The following TSHZ3 variants were observed in gnomAD, a reference collection of about 807,000 sequenced individuals.
TSHZ3 encodes teashirt zinc finger homeobox 3, also known as teashirt homolog 3.
In TSHZ3, 10 loss-of-function variants were observed where a neutral mutation model predicts 64.5. That is an observed-to-expected ratio of 0.16 (90% CI 0.10 to 0.26). The LOEUF is 0.26. TSHZ3 is among the 10% of genes least tolerant of loss of function. TSHZ3 has a pLI of 1.00. For missense variants in TSHZ3, 1,242 were observed against 1,421.7 expected (o/e 0.87, Z 2.03); for synonymous variants, 608 against 593.1 (o/e 1.03, Z -0.36).
At chr19:31,301,140 G>A (rs538851261) in intron 1 of TSHZ3, among the ~76,000 whole-genome samples, 1 of 152,108 alleles carries the variant, frequency 6.6e-6, no homozygotes, top group East Asian at 1.9e-4. Context: ...GTGAGACAGG[G>A]AAGGCTGGGT....
chr19:31,314,552 C>G (rs1916552578), intron 1 of TSHZ3, among the ~76,000 whole-genome samples: 2 of 152,226 alleles, frequency 1.3e-5, no homozygotes, highest in Non-Finnish European at 2.9e-5. Flanking sequence ...CCTTGTGATA[C>G]TACATTCTTG....
intron 5 of TSHZ3, among the ~76,000 whole-genome samples, chr19:31,159,378 G>A (rs191454282): frequency 3.3e-5 from 5 of 152,316 alleles, no homozygotes; most frequent in Admixed American, 3.3e-4. Context: ...CAGCTGGCTA[G>A]CAAACTTAAT....
chr19:31,205,337 G>A (rs1364545460), intron 4 of TSHZ3, among the ~76,000 whole-genome samples: 3 of 152,170 alleles, frequency 2.0e-5, no homozygotes, highest in African/African-American at 4.8e-5. Context: ...CTAGTAAGTG[G>A]AGGCTTCCTT....
chr19:31,279,458 G>A lies in TSHZ3; in HGVS notation c.335C>T (p.Ser112Leu), dbSNP rs530146261. The change falls in exon 2 of 2, where the codon TCG becomes TTG. Residue 112 changes from serine to leucine, a missense_variant. Physicochemically the swap from Ser to Leu is moderately radical, Grantham distance 145. This residue lies in a region of TSHZ3 where 555 missense variants were observed against 704.0 expected (regional missense o/e 0.79). Coordinates refer to ENST00000240587, the MANE Select transcript of TSHZ3 (RefSeq NM_020856.4). The surrounding 1 kb of genome is among the most constrained non-coding windows in gnomAD (Gnocchi z 6.4). ...GGCCTTCATCTGCTCCAGGCTATCC[G>A]ACACAGTCGTGTCTTCCAGTGGGAC... ...VTVPLEDTTV[S>L]DSLEQMKAVY... is the part of the protein sequence containing the mutation. 3.8e-5 allele frequency: 61 copies of A among 1,614,202 alleles called. 1 individual carries two copies. The South Asian group carries it at 4.7e-4, about 12-fold the overall frequency.
chr19:31,286,834 C>T (rs917535452), intron 1 of TSHZ3, among the ~76,000 whole-genome samples: 3 of 152,136 alleles, frequency 2.0e-5, no homozygotes, highest in Admixed American at 1.3e-4. Context: ...GCTTTCACAC[C>T]GTGGATGCAG....
chr19:31,231,829 T>A (rs1170208642), intron 3 of TSHZ3, among the ~76,000 whole-genome samples: 1 of 152,198 alleles, frequency 6.6e-6, no homozygotes, highest in African/African-American at 2.4e-5. Flanking sequence ...TTTAAGGGCA[T>A]TCACTTCACA....
At chr19:31,333,023 T>A (rs968359671) in intron 1 of TSHZ3, among the ~76,000 whole-genome samples, 11 of 151,904 alleles carry the variant, frequency 7.2e-5, no homozygotes, top group Admixed American at 3.3e-4. Flanking sequence ...GAGGACTGTC[T>A]GAGCCCAAGG....
rs974270754 is a variant in TSHZ3 at position 31,277,954 on chromosome 19, C to T, written c.1839G>A (p.Leu613=). 6.2e-7 allele frequency: 1 copy of T among 1,614,182 alleles called. No individual in the cohort carries two copies. The highest frequency in any genetic ancestry group is 1.7e-5 in the Admixed American group (1 of 60,026). Residue 613 remains leucine (L), a synonymous_variant, in exon 2 of 2, where the codon CTG becomes CTA. Transcript: ENST00000240587. This position sits in a 1 kb window ranked among gnomAD's most constrained non-coding sequence, Gnocchi z 4.5. ...CAACTTTCTCAGTGACCTTTTTCACCAGCTCCTCCATGGCATGAAAGTTTG... is the reference window on the plus strand; with the variant it reads ...CAACTTTCTCAGTGACCTTTTTCACTAGCTCCTCCATGGCATGAAAGTTTG... ...PKTNFHAMEE[L]VKKVTEKVAK...
intron 1 of TSHZ3, among the ~76,000 whole-genome samples, chr19:31,258,225 G>A (rs1300623220): frequency 1.3e-5 from 2 of 152,176 alleles, no homozygotes; most frequent in Admixed American, 6.5e-5. Flanking sequence ...AGCTCCCAAG[G>A]GTATAAGCTC....
chr19:31,198,064 A>C (rs1186265313), intron 5 of TSHZ3, among the ~76,000 whole-genome samples: 2 of 152,146 alleles, frequency 1.3e-5, no homozygotes, highest in Non-Finnish European at 2.9e-5. Context: ...TTATTAAAAA[A>C]TTGAATCCAA....
chr19:31,243,349 A>C (rs759459213), intron 1 of TSHZ3, among the ~76,000 whole-genome samples: 1 of 152,100 alleles, frequency 6.6e-6, no homozygotes, highest in Admixed American at 6.5e-5. Flanking sequence ...TGGTAACTCA[A>C]CCTACAATTA....
intron 4 of TSHZ3, among the ~76,000 whole-genome samples, chr19:31,219,779 G>T (rs2145166790): frequency 6.7e-6 from 1 of 149,406 alleles, no homozygotes; most frequent in Middle Eastern, 3.6e-3. Flanking sequence ...GTCCAGAAGT[G>T]AATATATATG....
chr19:31,290,719 C>A (rs929716592), intron 1 of TSHZ3, among the ~76,000 whole-genome samples: 1 of 152,064 alleles, frequency 6.6e-6, no homozygotes. Flanking sequence ...CCAGGCATCG[C>A]TGCTGGGCTT....
At chr19:31,289,840 G>T (rs527960480) in intron 1 of TSHZ3, among the ~76,000 whole-genome samples, 4 of 152,318 alleles carry the variant, frequency 2.6e-5, no homozygotes, top group South Asian at 4.1e-4. Context: ...CTGTGTCAGG[G>T]AAAGAGCTCA....
chr19:31,276,610 G>A lies in TSHZ3; in HGVS notation c.3183C>T (p.Ser1061=), dbSNP rs1224452089. Residue 1061 remains serine (S), a synonymous_variant, in exon 2 of 2, where the codon AGC becomes AGT. Transcript: ENST00000240587. ...ASKHAVKLHL[S]KTHGKSPEDH... is the part of the protein sequence containing the mutation. ...CTTCCGGAGATTTCCCGTGTGTTTT[G>A]CTAAGGTGAAGTTTAACAGCGTGCT... 6.2e-7 allele frequency: 1 copy of A among 1,604,146 alleles called. No individual in the cohort carries two copies. Among genetic ancestry groups the A allele is most frequent in the Admixed American group, 1.7e-5 (1 of 59,572 alleles).
chr19:31,161,073 CTT>C (rs1974368719), intron 5 of TSHZ3, among the ~76,000 whole-genome samples: 1 of 152,108 alleles, frequency 6.6e-6, no homozygotes, highest in Non-Finnish European at 1.5e-5. Flanking sequence ...ATTTATATAT[CTT>C]TGCGTGCGTG....
chr19:31,339,084 T>G (rs1250116270), intron 1 of TSHZ3, among the ~76,000 whole-genome samples: 1 of 152,070 alleles, frequency 6.6e-6, no homozygotes, highest in Non-Finnish European at 1.5e-5. Flanking sequence ...ACATCCATCT[T>G]CAATAACGCA....
chr19:31,152,287 T>C (rs1198656694), intron 6 of TSHZ3, among the ~76,000 whole-genome samples: 1 of 142,164 alleles, frequency 7.0e-6, no homozygotes, highest in Admixed American at 6.9e-5. Context: ...TGTGAGCGTG[T>C]GTGTGTGTGT....
chr19:31,200,508 G>A (rs1237861550), intron 5 of TSHZ3, among the ~76,000 whole-genome samples: 1 of 136,628 alleles, frequency 7.3e-6, no homozygotes, highest in Non-Finnish European at 1.6e-5. Context: ...TTTCAACTCT[G>A]ACATTCTGGA....
Sources: allele counts gnomAD v4.1 joint callset (sites outside exome capture counted in the v4.1 genomes callset), GRCh38; gene constraint gnomAD v4.1.1; regional missense constraint gnomAD v4.1.1; non-coding constraint Gnocchi (gnomAD v3.1); transcripts MANE v1.5; gene names NCBI Gene and HGNC (gene_info 2026-07-23, HGNC 2026-07-21).